Variants in MICU1 observed in about 807,000 individuals in gnomAD.
The protein encoded by MICU1 is calcium uptake protein 1, mitochondrial.
Under a neutral mutation model 56.8 loss-of-function variants are expected in MICU1, and 45 were observed. The observed-to-expected ratio is 0.79, with a 90% CI of 0.62 to 1.02. The LOEUF is 1.02. MICU1 is among the 50% of genes least tolerant of loss of function. The pLI, the probability that MICU1 is intolerant of heterozygous loss-of-function variation, is 0.00. For synonymous variants in MICU1, 186 were observed against 195.1 expected (o/e 0.95, Z 0.39); for missense variants, 504 against 587.1 (o/e 0.86, Z 1.46).
intron 5 of MICU1, among the ~76,000 whole-genome samples, chr10:72,516,518 G>A (rs1457507972): frequency 6.6e-6 from 1 of 152,186 alleles, no homozygotes; most frequent in Non-Finnish European, 1.5e-5. Flanking sequence ...CCATGCCTAT[G>A]TCCTGAATGG....
chr10:72,544,112 G>GT, intron 4 of MICU1, among the ~76,000 whole-genome samples: 1 of 117,136 alleles, frequency 8.5e-6, no homozygotes, highest in Non-Finnish European at 2.0e-5. Context: ...GAAAATCCCT[G>GT]TCCTGTTCTG....
Position 72,533,807 on chromosome 10 carries a change from A to T in MICU1, c.494-18T>A. 3 of 1,553,178 alleles carry T rather than the reference A, an allele frequency of 1.9e-6. No individual in the cohort carries two copies. Among genetic ancestry groups the T allele is most frequent in the Non-Finnish European group, 1.7e-6 (2 of 1,144,080 alleles). Reference sequence around the variant, plus strand: ...ACCCAAGTCTGTAAAAGAAAAGGAAAAAACATTTAGCTACTGATAATAACT... The same window carrying T: ...ACCCAAGTCTGTAAAAGAAAAGGAATAAACATTTAGCTACTGATAATAACT... On this transcript the variant is annotated intron_variant, in intron 4 of 11. Coordinates refer to ENST00000361114, the MANE Select transcript of MICU1 (RefSeq NM_001195518.2).
At chr10:72,369,479 G>T (rs1256253348) in intron 11 of MICU1, among the ~76,000 whole-genome samples, 1 of 152,144 alleles carries the variant, frequency 6.6e-6, no homozygotes, top group Admixed American at 6.5e-5. Context: ...CTGGTTGTGT[G>T]AGGATGGATT....
At position 72,507,923 on chromosome 10, in the gene MICU1, G is replaced by C. The variant is rs78115563; in HGVS notation, c.652+232C>G. On this transcript the variant is annotated intron_variant, in intron 6 of 11. Transcript: ENST00000361114. Reference sequence around the variant, plus strand: ...GTGAGCCACTGTGCCCAGCCGTTTTGTTTTGTTTTTAACTTTACTTTGATA... The same window carrying C: ...GTGAGCCACTGTGCCCAGCCGTTTTCTTTTGTTTTTAACTTTACTTTGATA... Among the ~76,000 whole-genome samples the C allele has an allele frequency of 0.032, 4,870 of 152,086 alleles. 268 individuals carry two copies. The highest frequency in any genetic ancestry group is 0.11 in the African/African-American group (4,589 of 41,476).
chr10:72,581,932 T>C (rs1286612280), intron 1 of MICU1, among the ~76,000 whole-genome samples: 1 of 152,182 alleles, frequency 6.6e-6, no homozygotes, highest in Non-Finnish European at 1.5e-5. Flanking sequence ...TTTTGTTTTT[T>C]GGTTTTTGTT....
chr10:72,531,287 T>C (rs1451199481), intron 5 of MICU1, among the ~76,000 whole-genome samples: 4 of 152,236 alleles, frequency 2.6e-5, no homozygotes, highest in African/African-American at 9.6e-5. Context: ...ACTACATTTC[T>C]GGCTATAATG....
intron 8 of MICU1, among the ~76,000 whole-genome samples, chr10:72,427,735 T>TAA (rs1357466396): frequency 0.035 from 224 of 6,466 alleles, 1 homozygote; most frequent in Middle Eastern, 0.11. Flanking sequence ...ATCTCTAAAA[T>TAA]ATATATATAT....
Position 72,373,168 on chromosome 10 carries a change from T to C in MICU1, c.1270+2615A>G, listed in dbSNP as rs1010138002. On this transcript the variant is annotated intron_variant, in intron 11 of 11. Transcript: ENST00000361114. ...GAATTCTCCATCCCCTGGCACTTTA[T>C]TTTGTTTGTTCATTTTTTTTTTTTT... is the stretch of plus-strand genomic sequence containing the variant. Among the ~76,000 whole-genome samples, 5 of 151,736 alleles carry C rather than the reference T, an allele frequency of 3.3e-5. 1 individual carries two copies. The highest frequency in any genetic ancestry group is 1.2e-4 in the African/African-American group (5 of 41,268).
chr10:72,580,965 G>GA (rs533917027), intron 1 of MICU1, among the ~76,000 whole-genome samples: 445 of 150,022 alleles, frequency 3.0e-3, no homozygotes, highest in Non-Finnish European at 4.2e-3. Context: ...TTTGAAAACA[G>GA]AAAAAAAAAG....
intron 1 of MICU1, among the ~76,000 whole-genome samples, chr10:72,580,618 AG>A (rs1840874340): frequency 6.6e-6 from 1 of 152,168 alleles, no homozygotes; most frequent in Non-Finnish European, 1.5e-5. Flanking sequence ...CTGGGACTAC[AG>A]GCATGCGCCA....
chr10:72,621,520 A>G (rs925211080), intron 1 of MICU1, among the ~76,000 whole-genome samples: 53 of 152,080 alleles, frequency 3.5e-4, no homozygotes, highest in Admixed American at 3.4e-3. Flanking sequence ...ATAAAAAAAT[A>G]AAGTGGTTTC....
intron 10 of MICU1, 97 bp downstream of exon 10, chr10:72,407,832 A>G (rs1863677209): frequency 1.4e-6 from 1 of 738,174 alleles, no homozygotes; most frequent in Non-Finnish European, 2.2e-6. Flanking sequence ...GGATGCCAAG[A>G]AAAACTTATC....
chr10:72,575,489 G>T lies in MICU1; in HGVS notation c.-1-8695C>A, dbSNP rs548197585. ...CTTTATGATACACTTCATGGAGATT[G>T]CATTTTTCACAAATTGAAGGTTTGT... On this transcript the variant is annotated intron_variant, in intron 1 of 11. Coordinates refer to ENST00000361114, the MANE Select transcript of MICU1 (RefSeq NM_001195518.2). Among the ~76,000 whole-genome samples, 15 of 152,286 alleles carry T rather than the reference G, an allele frequency of 9.8e-5. 1 individual carries two copies. The South Asian group carries it at 2.3e-3, about 23-fold the overall frequency.
intron 9 of MICU1, among the ~76,000 whole-genome samples, chr10:72,419,995 T>C (rs1021180432): frequency 1.3e-5 from 2 of 152,312 alleles, no homozygotes; most frequent in Non-Finnish European, 2.9e-5. Context: ...CAAGATCTGA[T>C]GGTTTTACAA....
In MICU1 at chr10:72,500,281, TATATATATATATATATATATA is replaced by T. The variant is rs1188288088; in HGVS notation, c.652+7853_652+7873del. The stretch of plus-strand genomic sequence containing the variant: ...ACATACATATATATATATATATATA[TATATATATATATATATATATA>T]TTTTTTTTTTTTTTTTTTTTTTTTT... On this transcript the variant is annotated intron_variant, in intron 6 of 11. Coordinates refer to ENST00000361114, the MANE Select transcript of MICU1 (RefSeq NM_001195518.2). Among the ~76,000 whole-genome samples, 23 of 9,268 alleles carry T rather than the reference TATATATATATATATATATATA, an allele frequency of 2.5e-3. 1 individual carries two copies. Among genetic ancestry groups the T allele is most frequent in the South Asian group, 3.5e-3 (1 of 288 alleles). 6.1% of individuals were successfully genotyped at this position (9,268 alleles called of 152,430 possible). A position where few individuals can be genotyped will look rare whatever the true frequency, so the allele number is the denominator to read the frequency against.
intron 10 of MICU1, among the ~76,000 whole-genome samples, chr10:72,403,629 T>TTGTGTGTGTGTGTGTGTGTGTG (rs60373032): frequency 1.4e-5 from 2 of 139,824 alleles, no homozygotes; most frequent in Non-Finnish European, 1.5e-5. Context: ...CATACCAAAA[T>TTGTGTGTGTGTGTGTGTGTGTG]TGTGTGTGTG....
chr10:72,465,959 A>G (rs1010837018), intron 8 of MICU1, among the ~76,000 whole-genome samples: 1 of 152,188 alleles, frequency 6.6e-6, no homozygotes, highest in Non-Finnish European at 1.5e-5. Context: ...TTTCCCAGCT[A>G]GGAGATTCTT....
intron 1 of MICU1, among the ~76,000 whole-genome samples, chr10:72,580,466 A>T (rs11000356): frequency 0.013 from 1,371 of 107,662 alleles, 24 homozygotes; most frequent in African/African-American, 0.042. Flanking sequence ...TATTTATTTA[A>T]TTAATTAATT....
At chr10:72,552,778 G>A (rs1693058979) in intron 3 of MICU1, among the ~76,000 whole-genome samples, 1 of 152,040 alleles carries the variant, frequency 6.6e-6, no homozygotes, top group South Asian at 2.1e-4. Flanking sequence ...GGTCTCGAAC[G>A]CCTGACCTCA....
Sources: allele counts gnomAD v4.1 joint callset (sites outside exome capture counted in the v4.1 genomes callset), GRCh38; gene constraint gnomAD v4.1.1; transcripts MANE v1.5; gene names NCBI Gene and HGNC (gene_info 2026-07-23, HGNC 2026-07-21).